SPATA6: variants seen among roughly 807,000 people sequenced by gnomAD.
SPATA6 encodes the protein spermatogenesis-associated protein 6.
In SPATA6, 56 loss-of-function variants were observed where a neutral mutation model predicts 65.3. The observed-to-expected ratio is 0.86, with a 90% CI of 0.69 to 1.07. The LOEUF is 1.07. SPATA6 is among the 50% of genes least tolerant of loss of function. The pLI is 0.00. For missense variants in SPATA6, 590 were observed against 594.8 expected, an observed-to-expected ratio of 0.99 and a Z score of 0.08; for synonymous variants, 199 against 213.2, an observed-to-expected ratio of 0.93 and a Z score of 0.58.
chr1:48,358,321 T>C (rs888769384), intron 10 of SPATA6, among the ~76,000 whole-genome samples: 3 of 151,798 alleles, frequency 2.0e-5, no homozygotes, highest in East Asian at 1.9e-4. Flanking sequence ...TGTGAAAAGG[T>C]AGAAAAATAA....
At position 48,460,832 on chromosome 1, in the gene SPATA6, A is replaced by C. The variant is rs563546941; in HGVS notation, c.52-7701T>G. Among the ~76,000 whole-genome samples the C allele has an allele frequency of 9.9e-5, 15 of 151,892 alleles. No homozygotes were observed. The South Asian group carries it at 3.1e-3, about 32-fold the overall frequency. ...ATTAAGTTAAAAATCCCAGAACAGG[A>C]GATAAATTTTAAATTATTAAGTACA... On this transcript the variant is annotated intron_variant, in intron 1 of 12. Coordinates refer to ENST00000371847, the MANE Select transcript of SPATA6 (RefSeq NM_019073.4).
chr1:48,416,173 G>A (rs1363302341), intron 3 of SPATA6, among the ~76,000 whole-genome samples: 1 of 152,114 alleles, frequency 6.6e-6, no homozygotes, highest in Non-Finnish European at 1.5e-5. Flanking sequence ...CTGCACTCCA[G>A]CCTGGGTGAA....
chr1:48,281,596 A>C, the SPATA6 span, among the ~76,000 whole-genome samples: 3 of 151,712 alleles, frequency 2.0e-5, no homozygotes, highest in African/African-American at 7.3e-5. Flanking sequence ...TGCTTCAAAG[A>C]GAATAAAATA....
chr1:48,453,162 T>C, intron 1 of SPATA6, 31 bp from the exon 2 acceptor site: 1 of 1,595,718 alleles, frequency 6.3e-7, no homozygotes, highest in Non-Finnish European at 8.5e-7. Flanking sequence ...TGGATGTAAC[T>C]GCTTTATAAA....
intron 11 of SPATA6, among the ~76,000 whole-genome samples, chr1:48,324,386 T>C (rs898057491): frequency 6.6e-6 from 1 of 152,024 alleles, no homozygotes; most frequent in African/African-American, 2.4e-5. Flanking sequence ...CAAAGACACA[T>C]CAGAGAAAGA....
intron 11 of SPATA6, among the ~76,000 whole-genome samples, chr1:48,352,283 G>A (rs945114983): frequency 2.0e-5 from 3 of 151,974 alleles, no homozygotes; most frequent in Non-Finnish European, 4.4e-5. Context: ...CTCCCACAGG[G>A]TCCCTCCCAC....
At chr1:48,471,827 G>T in intron 1 of SPATA6, 131 bp downstream of exon 1, 3 of 1,059,538 alleles carry the variant, frequency 2.8e-6, no homozygotes, top group Non-Finnish European at 4.2e-6. Flanking sequence ...GACCGAAGGG[G>T]CGTGAGGTCG....
chr1:48,381,912 C>A (rs1211908022), intron 9 of SPATA6, among the ~76,000 whole-genome samples: 2 of 122,496 alleles, frequency 1.6e-5, no homozygotes, highest in Non-Finnish European at 3.3e-5. Context: ...TGACTCTTAA[C>A]GAGCATGCTG....
At chr1:48,441,768 T>C (rs1460384948) in intron 3 of SPATA6, among the ~76,000 whole-genome samples, 1 of 152,174 alleles carries the variant, frequency 6.6e-6, no homozygotes, top group Admixed American at 6.5e-5. Flanking sequence ...TCACTGTTTA[T>C]GGGTAGTTGC....
chr1:48,359,699 C>T lies in SPATA6; in HGVS notation c.981G>A (p.Arg327=). 1 of 1,613,698 alleles carries T rather than the reference C, an allele frequency of 6.2e-7. No homozygotes were observed. ...CTGAATGCCGGGGCTTACTACACGACCTTGGGCTCAAATACTCTTCACATT... is the reference window on the plus strand; with the variant it reads ...CTGAATGCCGGGGCTTACTACACGATCTTGGGCTCAAATACTCTTCACATT... ...LEKCEEYLSP[R]SCSKPRHSAR... Residue 327 remains arginine (R), a synonymous_variant, in exon 10 of 13, where the codon AGG becomes AGA. Coordinates refer to ENST00000371847, the MANE Select transcript of SPATA6 (RefSeq NM_019073.4).
At chr1:48,434,273 A>G (rs940893057) in intron 3 of SPATA6, among the ~76,000 whole-genome samples, 1 of 151,516 alleles carries the variant, frequency 6.6e-6, no homozygotes, top group Non-Finnish European at 1.5e-5. Context: ...AAAAAAAAAA[A>G]AAAAACAGGA....
intron 3 of SPATA6, among the ~76,000 whole-genome samples, chr1:48,438,980 G>T (rs1655200459): frequency 6.6e-6 from 1 of 152,144 alleles, no homozygotes; most frequent in Non-Finnish European, 1.5e-5. Context: ...CCTCAGAAAT[G>T]ATATCCTTCC....
intron 8 of SPATA6, among the ~76,000 whole-genome samples, chr1:48,387,042 A>G (rs954234391): frequency 1.3e-5 from 2 of 152,238 alleles, no homozygotes; most frequent in African/African-American, 2.4e-5. Flanking sequence ...AGTTCCACGT[A>G]GCTGGGGAAG....
the SPATA6 span, among the ~76,000 whole-genome samples, chr1:48,289,436 T>A: frequency 6.6e-6 from 1 of 151,612 alleles, no homozygotes; most frequent in Admixed American, 6.6e-5. Context: ...ACTCAGAGAG[T>A]CTCTTCTCCT....
chr1:48,299,537 A>AAAAAAAAAAAAAAAC (rs1569971516), intron 12 of SPATA6, among the ~76,000 whole-genome samples: 1 of 149,974 alleles, frequency 6.7e-6, no homozygotes. Flanking sequence ...AAAAAAAAAA[A>AAAAAAAAAAAAAAAC]GAATGCATAG....
At chr1:48,379,457 CA>C (rs1167409722) in intron 9 of SPATA6, among the ~76,000 whole-genome samples, 1 of 151,974 alleles carries the variant, frequency 6.6e-6, no homozygotes, top group Non-Finnish European at 1.5e-5. Context: ...TGGTGGTTGC[CA>C]GGGGGACATT....
intron 3 of SPATA6, among the ~76,000 whole-genome samples, chr1:48,444,033 A>T (rs1017587875): frequency 2.6e-5 from 4 of 152,196 alleles, no homozygotes; most frequent in Admixed American, 2.0e-4. Context: ...AGCAGGAAGT[A>T]GCTAGAGCAG....
intron 1 of SPATA6, among the ~76,000 whole-genome samples, chr1:48,461,657 C>A (rs1045874766): frequency 3.3e-5 from 5 of 152,156 alleles, no homozygotes; most frequent in African/African-American, 9.7e-5. Context: ...CCATCTCACA[C>A]CAGTTAGAAT....
At chr1:48,412,642 G>A (rs188938125) in intron 4 of SPATA6, among the ~76,000 whole-genome samples, 201 of 151,858 alleles carry the variant, frequency 1.3e-3, no homozygotes, top group African/African-American at 4.5e-3. Context: ...TTTTTGAGAC[G>A]GAGTCTCGCT....
Sources: gnomAD v4.1 joint callset for allele counts (sites outside exome capture counted in the v4.1 genomes callset) on GRCh38, gnomAD v4.1.1 for gene constraint, MANE v1.5 for transcripts, NCBI Gene and HGNC (gene_info 2026-07-23, HGNC 2026-07-21) for gene names.